The following FOXP1 variants were observed in gnomAD, a reference collection of about 807,000 sequenced individuals.
The protein encoded by FOXP1 is forkhead box protein P1.
FOXP1 carries 15 observed loss-of-function variants against 98.2 expected under a neutral mutation model. The ratio of observed to expected loss-of-function variants is 0.15; its 90% CI spans 0.10 to 0.24. The LOEUF is 0.24. Among genes scored for constraint, FOXP1 ranks in the 10% least tolerant of loss-of-function variants. The pLI, the probability that FOXP1 is intolerant of heterozygous loss-of-function variation, is 1.00. For synonymous variants in FOXP1, 371 were observed against 314.5 expected (o/e 1.18, Z -1.90); for missense variants, 633 against 848.5 (o/e 0.75, Z 3.15).
intron 3 of FOXP1, among the ~76,000 whole-genome samples, chr3:71,468,050 T>C (rs2088953742): frequency 6.6e-6 from 1 of 152,126 alleles, no homozygotes; most frequent in South Asian, 2.1e-4. Flanking sequence ...CATTGTTAAA[T>C]ATAAGATCAA....
intron 4 of FOXP1, among the ~76,000 whole-genome samples, chr3:71,347,585 G>A (rs187456716): frequency 7.2e-5 from 11 of 152,270 alleles, no homozygotes; most frequent in African/African-American, 2.6e-4. Context: ...TGAGTTTGCT[G>A]AATGTAAAGA....
intron 13 of FOXP1, among the ~76,000 whole-genome samples, chr3:70,989,418 A>G (rs2107508727): frequency 6.6e-6 from 1 of 152,312 alleles, no homozygotes; most frequent in South Asian, 2.1e-4. Context: ...TGAAAATGAT[A>G]CCATATTAGG....
chr3:71,366,052 G>C (rs542711693), intron 3 of FOXP1, among the ~76,000 whole-genome samples: 1 of 152,146 alleles, frequency 6.6e-6, no homozygotes, highest in Non-Finnish European at 1.5e-5. Flanking sequence ...TCCAGTGATA[G>C]AATATGCCAG....
At chr3:71,223,853 T>G (rs1176566396) in intron 5 of FOXP1, among the ~76,000 whole-genome samples, 1 of 152,182 alleles carries the variant, frequency 6.6e-6, no homozygotes, top group Non-Finnish European at 1.5e-5. Flanking sequence ...TAAAGCCTAA[T>G]AGTACTGGAT....
At chr3:71,203,791 C>T (rs867537721) in intron 5 of FOXP1, among the ~76,000 whole-genome samples, 17 of 152,026 alleles carry the variant, frequency 1.1e-4, no homozygotes, top group African/African-American at 4.1e-4. Context: ...GGTGAAATCA[C>T]TATTAGGAAA....
rs1233130476 is a variant in FOXP1, at chr3:70,957,430, C to G, written c.*1817G>C. On this transcript the variant is annotated 3_prime_UTR_variant, in exon 21 of 21. Transcript: ENST00000649528. ...CATTTGCCTCTAAATTCTTTTGCCT[C>G]CTTTGATCAACAATAAGAGGATATT... The G allele has an allele frequency of 4.3e-6, 1 of 230,128 alleles. No individual in the cohort carries two copies. Among genetic ancestry groups the G allele is most frequent in the Non-Finnish European group, 8.6e-6 (1 of 116,026 alleles). The allele number at this position is 230,128 out of a possible 1,614,324, so 14.3% of individuals were successfully genotyped here.
intron 2 of FOXP1, among the ~76,000 whole-genome samples, chr3:71,576,013 T>A (rs2047693878): frequency 6.6e-6 from 1 of 152,216 alleles, no homozygotes; most frequent in Non-Finnish European, 1.5e-5. Flanking sequence ...TAAATATATG[T>A]CCAAACATAA....
intron 11 of FOXP1, among the ~76,000 whole-genome samples, chr3:71,024,201 T>C (rs1315794062): frequency 1.3e-5 from 2 of 152,188 alleles, no homozygotes; most frequent in Non-Finnish European, 2.9e-5. Flanking sequence ...GAAACGACGA[T>C]GCAAGGGCCG....
intron 6 of FOXP1, among the ~76,000 whole-genome samples, chr3:71,146,491 T>C (rs1032588841): frequency 1.1e-4 from 16 of 152,018 alleles, no homozygotes; most frequent in Non-Finnish European, 1.8e-4. Context: ...GAATACATTA[T>C]ACAATGAAGA....
chr3:71,174,158 C>T (rs1576200835), intron 6 of FOXP1, among the ~76,000 whole-genome samples: 1 of 152,074 alleles, frequency 6.6e-6, no homozygotes, highest in Admixed American at 6.5e-5. Context: ...GAAAGAACAG[C>T]CTCCAAAGCC....
intron 7 of FOXP1, among the ~76,000 whole-genome samples, chr3:71,082,477 G>A (rs1026245762): frequency 2.0e-5 from 3 of 151,584 alleles, no homozygotes; most frequent in Non-Finnish European, 4.4e-5. Flanking sequence ...GGCCTGTCAG[G>A]GGGTGGGGGG....
chr3:71,456,598 A>C (rs542217571), intron 3 of FOXP1, among the ~76,000 whole-genome samples: 1 of 152,280 alleles, frequency 6.6e-6, no homozygotes, highest in South Asian at 2.1e-4. Context: ...GACTCAGGAC[A>C]ATGTATTTGT....
chr3:70,968,220 A>G (rs2035375697), intron 19 of FOXP1: 1 of 152,056 alleles, frequency 6.6e-6, no homozygotes, highest in Non-Finnish European at 1.5e-5. Context: ...GTCCCTTGAA[A>G]AAATGATCAA....
chr3:71,491,232 T>C (rs946490451), intron 3 of FOXP1, among the ~76,000 whole-genome samples: 2 of 152,186 alleles, frequency 1.3e-5, no homozygotes, highest in Non-Finnish European at 2.9e-5. Flanking sequence ...GTCAGGCTGG[T>C]CTTGAACTCC....
Position 71,154,210 on chromosome 3 carries a change from A to AT in FOXP1, c.181-41574dup, listed in dbSNP as rs889282015. Among the ~76,000 whole-genome samples the AT allele has an allele frequency of 5.2e-3, 785 of 151,758 alleles. 5 individuals are homozygous for AT. Among genetic ancestry groups the AT allele is most frequent in the African/African-American group, 0.019 (765 of 41,338 alleles). ...ATATCCATCACCTCACCTACTTATC[A>AT]TTTTTTTGTGTGTGTGGGTGTGGTG... On this transcript the variant is annotated intron_variant, in intron 6 of 20. Transcript: ENST00000649528.
intron 5 of FOXP1, among the ~76,000 whole-genome samples, chr3:71,299,075 T>C (rs1291237541): frequency 6.6e-6 from 1 of 152,204 alleles, no homozygotes; most frequent in East Asian, 1.9e-4. Context: ...AAGATGATCA[T>C]TGCCTTTATC....
At chr3:71,204,960 G>A (rs534078041) in intron 5 of FOXP1, among the ~76,000 whole-genome samples, 24 of 152,290 alleles carry the variant, frequency 1.6e-4, no homozygotes, top group Non-Finnish European at 2.9e-4. Context: ...CAAAGTCAGT[G>A]TGCTGACTGT....
chr3:71,411,104 T>C (rs2082692150), intron 3 of FOXP1, among the ~76,000 whole-genome samples: 1 of 152,206 alleles, frequency 6.6e-6, no homozygotes, highest in Non-Finnish European at 1.5e-5. Context: ...AAATAACTTT[T>C]AAATTCCCAT....
intron 7 of FOXP1, among the ~76,000 whole-genome samples, chr3:71,097,290 A>AGTGTC (rs1276478064): frequency 1.3e-5 from 2 of 152,248 alleles, no homozygotes; most frequent in East Asian, 3.8e-4. Flanking sequence ...TTTATACTTC[A>AGTGTC]GTGTCCACAA....
Sources: allele counts gnomAD v4.1 joint callset (sites outside exome capture counted in the v4.1 genomes callset), GRCh38; gene constraint gnomAD v4.1.1; transcripts MANE v1.5; gene names NCBI Gene and HGNC (gene_info 2026-07-23, HGNC 2026-07-21).